Variants in ZNF546 observed in about 807,000 individuals in gnomAD.
The protein encoded by ZNF546 is CTC-471F3.6.
In ZNF546, 60 loss-of-function variants were observed where a neutral mutation model predicts 76.2. The ratio of observed to expected loss-of-function variants is 0.79; its 90% CI spans 0.64 to 0.98. The LOEUF (loss-of-function observed/expected upper bound fraction) is 0.98, where lower values mean the gene tolerates loss of function less well. ZNF546 is among the 50% of genes least tolerant of loss of function. The pLI, the probability that ZNF546 is intolerant of heterozygous loss-of-function variation, is 0.00. For missense variants in ZNF546, 936 were observed against 1,035.6 expected, an observed-to-expected ratio of 0.90 and a Z score of 1.32; for synonymous variants, 277 against 328.1, an observed-to-expected ratio of 0.84 and a Z score of 1.68.
chr19:40,015,694 AGAATGTG>A lies in ZNF546; in HGVS notation c.2428_2434del (p.Cys810LysfsTer24), dbSNP rs748742050. 18 of 1,614,202 alleles carry A rather than the reference AGAATGTG, an allele frequency of 1.1e-5. No homozygotes were observed. The highest frequency in any genetic ancestry group is 1.4e-5 in the Non-Finnish European group (17 of 1,180,014). On this transcript the variant is annotated frameshift_variant, in exon 7 of 7. Coordinates refer to ENST00000347077, the MANE Select transcript of ZNF546 (RefSeq NM_178544.5). LOFTEE classifies it high-confidence loss of function. ...CTGGTGAAAAACCCTATCAATGTAA[AGAATGTG>A]GAAAAGCCTTTATTCGTAGTGATCA...
intron 4 of ZNF546, 68 bp from the exon 5 acceptor site, chr19:40,007,206 C>T (rs1971613541): frequency 7.5e-7 from 1 of 1,327,692 alleles, no homozygotes; most frequent in Non-Finnish European, 9.9e-7. Flanking sequence ...TGCTTCTTTC[C>T]TGCAAAGCAG....
chr19:40,008,225 C>G (rs530932633), intron 5 of ZNF546, among the ~76,000 whole-genome samples: 2 of 149,118 alleles, frequency 1.3e-5, no homozygotes, highest in African/African-American at 5.2e-5. Context: ...CCTTTCTATA[C>G]TGCCGTTAAC....
intron 5 of ZNF546, 100 bp from the exon 6 acceptor site, chr19:40,008,370 C>A: frequency 2.5e-6 from 2 of 792,224 alleles, no homozygotes; most frequent in Non-Finnish European, 2.0e-6. Context: ...TTTTCACCTG[C>A]AGTTTCTTAC....
Position 40,015,921 on chromosome 19 carries a change from A to T in ZNF546, c.*140A>T, listed in dbSNP as rs1971760220. 4 of 793,076 alleles carry T rather than the reference A, an allele frequency of 5.0e-6. No homozygotes were observed. Among genetic ancestry groups the T allele is most frequent in the Non-Finnish European group, 8.2e-6 (4 of 485,344 alleles). The allele number at this position is 793,076 out of a possible 1,614,324, so 49.1% of individuals were successfully genotyped here. A position where few individuals can be genotyped will look rare whatever the true frequency, so the allele number is the denominator to read the frequency against. The stretch of plus-strand genomic sequence containing the variant: ...TCAGAAATTATTTCGTATGTTAAAG[A>T]GTCGAAAGACTATAGCATCACTCAG... On this transcript the variant is annotated 3_prime_UTR_variant, in exon 7 of 7. Transcript: ENST00000347077.
rs1165360930 is a variant in ZNF546, at chr19:40,018,421, T to G, written c.*2640T>G. The G allele has an allele frequency of 6.6e-6, 1 of 152,238 alleles. No homozygotes were observed. The highest frequency in any genetic ancestry group is 2.4e-5 in the African/African-American group (1 of 41,462). The allele number at this position is 152,238 out of a possible 1,614,324, so 9.4% of individuals were successfully genotyped here. The stretch of plus-strand genomic sequence containing the variant: ...GTATTTCAATTTGTAACCCATTAGG[T>G]GGCATACAATGTCATTATACCACTA... On this transcript the variant is annotated 3_prime_UTR_variant, in exon 7 of 7. Coordinates refer to ENST00000347077, the MANE Select transcript of ZNF546 (RefSeq NM_178544.5).
rs202007562 is a variant in ZNF546, at chr19:40,008,442, CAT to C, written c.299-27_299-26del. 2,643 of 1,507,448 alleles carry C rather than the reference CAT, an allele frequency of 1.8e-3. 33 individuals carry two copies. The African/African-American group carries it at 0.029, about 17-fold the overall frequency. 93.4% of individuals were successfully genotyped at this position (1,507,448 alleles called of 1,614,324 possible). ...TGGTTGTTTTTGTTTTTTTCTATAA[CAT>C]GTGTCATTTCTTTTCTCATGAGCAG... On this transcript the variant is annotated intron_variant, in intron 5 of 6. Coordinates refer to ENST00000347077, the MANE Select transcript of ZNF546 (RefSeq NM_178544.5).
In ZNF546 at chr19:40,014,429, T is replaced by C; in HGVS notation, c.1159T>C (p.Cys387Arg). 6.2e-7 allele frequency: 1 copy of C among 1,614,132 alleles called. No individual in the cohort carries two copies. ...TCATACTGGTGTCAAACCCTATAAA[T>C]GTAATGAATGTGGGAAGGCCTTTAG... ...KIHTGVKPYKCNECGKAFSHG... is the reference protein window; with the variant it reads ...KIHTGVKPYKRNECGKAFSHG... The change falls in exon 7 of 7, where the codon TGT (cysteine) becomes CGT (arginine). Residue 387 changes from cysteine (C) to arginine (R), a missense_variant. Cys to Arg is a radical substitution (Grantham distance 180, BLOSUM62 -3). Transcript: ENST00000347077.
At position 40,016,122 on chromosome 19, in the gene ZNF546, A is replaced by G. The variant is rs1432453281; in HGVS notation, c.*341A>G. On this transcript the variant is annotated 3_prime_UTR_variant, in exon 7 of 7. Coordinates refer to ENST00000347077, the MANE Select transcript of ZNF546 (RefSeq NM_178544.5). ...TGTGGAAAGACAGGAGTTCGAAACC[A>G]GCCTGGGCAACATAGTGAGACCCTG... 3.7e-6 allele frequency: 1 copy of G among 272,888 alleles called. No individual in the cohort carries two copies. The highest frequency in any genetic ancestry group is 2.2e-5 in the African/African-American group (1 of 44,606). 16.9% of individuals were successfully genotyped at this position (272,888 alleles called of 1,614,324 possible). A position where few individuals can be genotyped will look rare whatever the true frequency, so the allele number is the denominator to read the frequency against.
In ZNF546 at chr19:40,013,640, C is replaced by CTTT. The variant is rs546130223; in HGVS notation, c.395-7_395-5dup. The CTTT allele has an allele frequency of 9.5e-4, 1,041 of 1,090,736 alleles. 5 individuals carry two copies. The highest frequency in any genetic ancestry group is 1.0e-3 in the Non-Finnish European group (849 of 826,150). 67.6% of individuals were successfully genotyped at this position (1,090,736 alleles called of 1,614,324 possible). Reference sequence around the variant, plus strand: ...CATTATAGCATTTGTTTACTCTTTGCTTTTTTTTTTTTTTTTTTTTGCAGA... The same window carrying CTTT: ...CATTATAGCATTTGTTTACTCTTTGCTTTTTTTTTTTTTTTTTTTTTTTGCAGA... On this transcript the variant is annotated intron_variant, in intron 6 of 6. Transcript: ENST00000347077.
At chr19:40,006,032 A>T in intron 3 of ZNF546, 64 bp from the exon 4 acceptor site, 1 of 1,364,152 alleles carries the variant, frequency 7.3e-7, no homozygotes, top group East Asian at 2.3e-5. Context: ...GATCTTATTA[A>T]CTTAAGTCAT....
At chr19:40,006,864 G>A (rs1341999144) in intron 4 of ZNF546, among the ~76,000 whole-genome samples, 1 of 152,172 alleles carries the variant, frequency 6.6e-6, no homozygotes, top group Non-Finnish European at 1.5e-5. Context: ...TTCTTATGAG[G>A]TTATTTTGCA....
intron 1 of ZNF546, 196 bp downstream of exon 1, chr19:39,997,353 G>C (rs1018684986): frequency 5.2e-5 from 8 of 152,988 alleles, no homozygotes; most frequent in Admixed American, 3.9e-4. Flanking sequence ...GCGACGGGGC[G>C]CCTGTCAGGA....
chr19:40,006,213 T>C, intron 4 of ZNF546, 31 bp downstream of exon 4: 7 of 1,576,342 alleles, frequency 4.4e-6, no homozygotes, highest in Non-Finnish European at 6.1e-6. Context: ...CTTGAAATAC[T>C]GTGTTTTTAA....
Position 40,015,265 on chromosome 19 carries a change from CGAATGTACG to C in ZNF546, c.2002_2010del (p.Thr668_Cys670del), listed in dbSNP as rs1568389588. 6.2e-7 allele frequency: 1 copy of C among 1,612,220 alleles called. No individual in the cohort carries two copies. Among genetic ancestry groups the C allele is most frequent in the Non-Finnish European group, 8.5e-7 (1 of 1,179,466 alleles). On this transcript the variant is annotated inframe_deletion, in exon 7 of 7. Transcript: ENST00000347077. ...GAATTCATACTGGTGAGAAACCCTA[CGAATGTACG>C]GAATGTGGGAAGACGTTTAGTCGGC...
chr19:40,004,084 AC>A, intron 3 of ZNF546, among the ~76,000 whole-genome samples: 1 of 143,852 alleles, frequency 7.0e-6, no homozygotes, highest in African/African-American at 2.6e-5. Context: ...TATATATATA[AC>A]TATATTAATA....
rs750856442 is a variant in ZNF546, at chr19:40,015,457, C to T, written c.2187C>T (p.Thr729=). The T allele has an allele frequency of 1.5e-5, 25 of 1,613,978 alleles. 1 individual carries two copies. Among genetic ancestry groups the T allele is most frequent in the Non-Finnish European group, 2.1e-5 (25 of 1,180,022 alleles). The change falls in exon 7 of 7, where the codon ACC becomes ACT. Residue 729 remains threonine (T), a synonymous_variant. Transcript: ENST00000347077. Reference sequence around the variant, plus strand: ...ATGAATGTAAGGAATGTGGAAAGACCTTTAGTCGTCGGTATCATCTTACTC... The same window carrying T: ...ATGAATGTAAGGAATGTGGAAAGACTTTTAGTCGTCGGTATCATCTTACTC... The part of the protein sequence containing the change: ...LPYECKECGK[T]FSRRYHLTQH...
rs927402484 is a variant in ZNF546 at position 40,017,207 on chromosome 19, A to G, written c.*1426A>G. On this transcript the variant is annotated 3_prime_UTR_variant, in exon 7 of 7. Transcript: ENST00000347077. The stretch of plus-strand genomic sequence containing the variant: ...TCTCTGAAAATTAATGTGAGAAAGA[A>G]ATCTCTAGATTTGATGGGTGTGAAG... 1.3e-5 allele frequency: 2 copies of G among 152,222 alleles called. No individual in the cohort carries two copies. The highest frequency in any genetic ancestry group is 2.9e-5 in the Non-Finnish European group (2 of 68,032). The allele number at this position is 152,222 out of a possible 1,614,324, so 9.4% of individuals were successfully genotyped here. A position where few individuals can be genotyped will look rare whatever the true frequency, so the allele number is the denominator to read the frequency against.
chr19:40,002,274 T>C (rs563029556), intron 3 of ZNF546, among the ~76,000 whole-genome samples: 1 of 152,372 alleles, frequency 6.6e-6, no homozygotes, highest in African/African-American at 2.4e-5. Context: ...TAATATTTGA[T>C]TATTATAAGT....
rs758915540 is a variant in ZNF546 at position 40,014,314 on chromosome 19, A to G, written c.1044A>G (p.Gln348=). Residue 348 remains glutamine (Q), a synonymous_variant, in exon 7 of 7, where the codon CAA becomes CAG. Transcript: ENST00000347077. The part of the protein sequence containing the change: ...FRLHYQLTEH[Q]RIHTGERPYE... ...TTCATTATCAACTAACTGAACATCA[A>G]AGAATTCATACTGGTGAGAGGCCTT... 1.4e-5 allele frequency: 22 copies of G among 1,612,498 alleles called. No homozygotes were observed. In the Middle Eastern group the frequency reaches 5.0e-4, roughly 36 times the overall value.
Sources: allele counts gnomAD v4.1 joint callset (sites outside exome capture counted in the v4.1 genomes callset), GRCh38; gene constraint gnomAD v4.1.1; transcripts MANE v1.5; gene names NCBI Gene and HGNC (gene_info 2026-07-23, HGNC 2026-07-21).